The following FHIT variants were observed in gnomAD, a reference collection of about 807,000 sequenced individuals.
FHIT encodes the protein fragile histidine triad diadenosine triphosphatase.
FHIT carries 19 observed loss-of-function variants against 17.9 expected under a neutral mutation model. The ratio of observed to expected loss-of-function variants is 1.06; its 90% CI spans 0.74 to 1.56. The LOEUF (loss-of-function observed/expected upper bound fraction) is 1.56, where lower values mean the gene tolerates loss of function less well. Among genes scored for constraint, FHIT ranks in the 40% most tolerant of loss-of-function variants. The pLI, the probability that FHIT is intolerant of heterozygous loss-of-function variation, is 0.00. For missense variants in FHIT, 248 were observed against 189.2 expected, an observed-to-expected ratio of 1.31 and a Z score of -1.82; for synonymous variants, 81 against 69.7, an observed-to-expected ratio of 1.16 and a Z score of -0.81.
chr3:60,890,965 C>G (rs1705486090), intron 3 of FHIT, among the ~76,000 whole-genome samples: 1 of 152,184 alleles, frequency 6.6e-6, no homozygotes, highest in Non-Finnish European at 1.5e-5. Context: ...GAGCTACTGT[C>G]ATGGGCATTC....
chr3:60,477,342 C>T (rs893106871), intron 5 of FHIT, among the ~76,000 whole-genome samples: 1 of 152,108 alleles, frequency 6.6e-6, no homozygotes, highest in Non-Finnish European at 1.5e-5. Flanking sequence ...ATATTTCATT[C>T]TTTTCCTTTG....
At chr3:60,093,532 G>A (rs983952448) in intron 5 of FHIT, among the ~76,000 whole-genome samples, 6 of 152,136 alleles carry the variant, frequency 3.9e-5, no homozygotes, top group African/African-American at 1.4e-4. Context: ...CAGTTTCTGG[G>A]GATTACGACA....
intron 4 of FHIT, among the ~76,000 whole-genome samples, chr3:60,573,452 A>T (rs2037455892): frequency 6.6e-6 from 1 of 152,130 alleles, no homozygotes; most frequent in Non-Finnish European, 1.5e-5. Flanking sequence ...GGGTATAGAA[A>T]GGAGAGTCTC....
chr3:61,195,315 A>C (rs2038825230), intron 2 of FHIT, among the ~76,000 whole-genome samples: 1 of 152,132 alleles, frequency 6.6e-6, no homozygotes, highest in Non-Finnish European at 1.5e-5. Flanking sequence ...ATTATTACTG[A>C]ATCACCCACT....
At chr3:60,816,611 T>C (rs1701747639) in intron 4 of FHIT, among the ~76,000 whole-genome samples, 1 of 152,122 alleles carries the variant, frequency 6.6e-6, no homozygotes, top group Admixed American at 6.6e-5. Flanking sequence ...ATTAACCTTT[T>C]GATGTGCTGT....
intron 5 of FHIT, among the ~76,000 whole-genome samples, chr3:60,155,862 C>A (rs952782811): frequency 6.6e-5 from 10 of 152,136 alleles, no homozygotes; most frequent in Non-Finnish European, 1.3e-4. Flanking sequence ...CAAGTAAAGT[C>A]CAGCTCCTTT....
chr3:60,841,069 A>G (rs1453456967), intron 3 of FHIT, among the ~76,000 whole-genome samples: 1 of 152,130 alleles, frequency 6.6e-6, no homozygotes, highest in Non-Finnish European at 1.5e-5. Flanking sequence ...GTTTCGGGTC[A>G]TTATTTTATC....
intron 5 of FHIT, among the ~76,000 whole-genome samples, chr3:60,225,267 G>A (rs536112352): frequency 1.3e-5 from 2 of 152,138 alleles, no homozygotes; most frequent in African/African-American, 4.8e-5. Context: ...CAGTGACGTG[G>A]TTAACTACAT....
intron 8 of FHIT, among the ~76,000 whole-genome samples, chr3:59,814,737 T>C (rs1197877716): frequency 6.6e-6 from 1 of 152,176 alleles, no homozygotes; most frequent in African/African-American, 2.4e-5. Flanking sequence ...GAAAAGACAG[T>C]CCCTCTCTCA....
intron 5 of FHIT, among the ~76,000 whole-genome samples, chr3:60,074,053 A>G (rs1295375804): frequency 6.6e-6 from 1 of 152,086 alleles, no homozygotes; most frequent in Non-Finnish European, 1.5e-5. Flanking sequence ...TGTCATGTGC[A>G]TTCCTGTCTT....
chr3:60,787,679 C>T (rs1553727350), intron 4 of FHIT, among the ~76,000 whole-genome samples: 1 of 152,174 alleles, frequency 6.6e-6, no homozygotes, highest in Non-Finnish European at 1.5e-5. Flanking sequence ...CAATAAAATG[C>T]ATTTGTAACC....
At chr3:59,905,749 G>A (rs1330741782) in intron 8 of FHIT, among the ~76,000 whole-genome samples, 5 of 152,058 alleles carry the variant, frequency 3.3e-5, no homozygotes, top group Admixed American at 6.6e-5. Context: ...TAGAAAACCC[G>A]AATACGTAAC....
chr3:60,713,493 G>GT (rs1192920831), intron 4 of FHIT, among the ~76,000 whole-genome samples: 1 of 149,390 alleles, frequency 6.7e-6, no homozygotes, highest in Non-Finnish European at 1.5e-5. Flanking sequence ...CCAGGAGCTG[G>GT]TTTTTTGAAA....
At chr3:60,531,976 A>T (rs1419838101) in intron 5 of FHIT, among the ~76,000 whole-genome samples, 1 of 152,232 alleles carries the variant, frequency 6.6e-6, no homozygotes, top group African/African-American at 2.4e-5. Flanking sequence ...AAATGTTCTT[A>T]AAGTTACCTA....
chr3:60,499,149 G>A (rs1248121571), intron 5 of FHIT, among the ~76,000 whole-genome samples: 1 of 152,192 alleles, frequency 6.6e-6, no homozygotes, highest in Admixed American at 6.5e-5. Flanking sequence ...GCCTCTACAA[G>A]ACCTGGACCC....
At chr3:61,086,283 G>A (rs1004256460) in intron 2 of FHIT, among the ~76,000 whole-genome samples, 1 of 152,038 alleles carries the variant, frequency 6.6e-6, no homozygotes, top group Non-Finnish European at 1.5e-5. Flanking sequence ...TATAGTCCTA[G>A]TTTGTTAAAA....
At chr3:60,129,926 G>A (rs12638815) in intron 5 of FHIT, among the ~76,000 whole-genome samples, 28,808 of 151,986 alleles carry the variant, frequency 0.19, 3,361 homozygotes, top group Non-Finnish European at 0.27. Context: ...TCCACACTGT[G>A]TCTGTTTTTG....
At chr3:60,884,323 A>G (rs1705115042) in intron 3 of FHIT, among the ~76,000 whole-genome samples, 1 of 152,158 alleles carries the variant, frequency 6.6e-6, no homozygotes, top group Non-Finnish European at 1.5e-5. Flanking sequence ...CAAAAAAACT[A>G]AAAATATCTA....
chr3:60,014,995 T>TAC (rs1377376461), intron 5 of FHIT, among the ~76,000 whole-genome samples: 9 of 152,254 alleles, frequency 5.9e-5, no homozygotes, highest in Admixed American at 5.2e-4. Context: ...TCAGTCACTA[T>TAC]ACACACATGT....
Sources: allele counts gnomAD v4.1 joint callset (sites outside exome capture counted in the v4.1 genomes callset), GRCh38; gene constraint gnomAD v4.1.1; transcripts MANE v1.5; gene names NCBI Gene and HGNC (gene_info 2026-07-23, HGNC 2026-07-21).